DQX1: variants seen among roughly 807,000 people sequenced by gnomAD.
DQX1 encodes DEAQ-box RNA dependent ATPase 1, also known as ATP-dependent RNA helicase homolog DQX1.
In DQX1, 66 loss-of-function variants were observed where a neutral mutation model predicts 81.3. That is an observed-to-expected ratio of 0.81 (90% confidence interval 0.67 to 1.00). DQX1 has a LOEUF of 1.00. Among genes scored for constraint, DQX1 ranks in the 50% least tolerant of loss-of-function variants. The probability of loss-of-function intolerance (pLI) is 0.00; values close to 1 mark genes in which losing one functional copy is unlikely to be tolerated. For missense variants in DQX1, 798 were observed against 867.9 expected (o/e 0.92, Z 1.01); for synonymous variants, 290 against 350.0 (o/e 0.83, Z 1.91).
rs1459122122 is a variant in DQX1 at position 74,523,066 on chromosome 2, T to G, written c.1145-52A>C. On this transcript the variant is annotated intron_variant, in intron 6 of 11. Coordinates refer to ENST00000404568, the MANE Select transcript of DQX1 (RefSeq NM_133637.3). The stretch of plus-strand genomic sequence containing the variant: ...AGACCACTGTAGATTTCTCAGGGCT[T>G]GCATGTTGGTGACTCTTGGGTTTTT... The G allele has an allele frequency of 5.0e-6, 8 of 1,613,824 alleles. No homozygotes were observed. The East Asian group carries it at 1.8e-4, about 36-fold the overall frequency.
intron 8 of DQX1, among the ~76,000 whole-genome samples, chr2:74,520,835 G>A (rs1015778108): frequency 2.0e-5 from 3 of 151,922 alleles, no homozygotes; most frequent in Admixed American, 6.6e-5. Flanking sequence ...CACCACACCT[G>A]GCTAATTTTT....
rs1322250680 is a variant in DQX1 at position 74,518,598 on chromosome 2, C to A, written c.2002G>T (p.Val668Leu). ...AGGAAGTATGGAGGGGCCAATTCCACCAGCCTAATAGAGAGAGTCATAATT... is the reference window on the plus strand; with the variant it reads ...AGGAAGTATGGAGGGGCCAATTCCAACAGCCTAATAGAGAGAGTCATAATT... ...IVSEIQPQMLVELAPPYFLSN... is the reference protein window; with the variant it reads ...IVSEIQPQMLLELAPPYFLSN... Residue 668 changes from valine (V) to leucine (L), a missense_variant, in exon 12 of 12, where the codon GTG becomes TTG. Val to Leu is a conservative substitution (Grantham distance 32). Coordinates refer to ENST00000404568, the MANE Select transcript of DQX1 (RefSeq NM_133637.3). 1 of 1,614,046 alleles carries A rather than the reference C, an allele frequency of 6.2e-7. No individual in the cohort carries two copies.
rs1675116327 is a variant in DQX1 at position 74,524,282 on chromosome 2, G to T, written c.457C>A (p.Gln153Lys). The change falls in exon 4 of 12, where the codon CAG becomes AAG. Residue 153 changes from glutamine (Q) to lysine (K), a missense_variant. Coordinates refer to ENST00000404568, the MANE Select transcript of DQX1 (RefSeq NM_133637.3). ...GTGCCTCGGGTCGAGGCCACCTCCT[G>T]CAGAAGCAGCCTGTCCCAGCAGAAC... is the stretch of plus-strand genomic sequence containing the variant. ...LRFCWDRLLL[Q>K]EVASTRGTGA... The T allele has an allele frequency of 1.2e-6, 2 of 1,613,002 alleles. No individual in the cohort carries two copies. Among genetic ancestry groups the T allele is most frequent in the Non-Finnish European group, 1.7e-6 (2 of 1,179,738 alleles).
chr2:74,519,636 G>A lies in DQX1; in HGVS notation c.1726C>T (p.Pro576Ser), dbSNP rs774087472. Reference sequence around the variant, plus strand: ...GAGCCAAAGGCTGGTAGGGACAAGGGAAGTTCAATTCGTTGCATGAGTTCT... The same window carrying A: ...GAGCCAAAGGCTGGTAGGGACAAGGAAAGTTCAATTCGTTGCATGAGTTCT... Reference protein sequence around the residue: ...LLELMQRIELPLSLPAFGSEQ... With the variant: ...LLELMQRIELSLSLPAFGSEQ... Residue 576 changes from proline to serine, a missense_variant, in exon 10 of 12, where the codon CCC (proline) becomes TCC (serine). Pro to Ser is a moderately conservative substitution (Grantham distance 74, BLOSUM62 -1). Coordinates refer to ENST00000404568, the MANE Select transcript of DQX1 (RefSeq NM_133637.3). 6.2e-7 allele frequency: 1 copy of A among 1,614,226 alleles called. No individual in the cohort carries two copies. The highest frequency in any genetic ancestry group is 8.5e-7 in the Non-Finnish European group (1 of 1,180,040).
Position 74,523,218 on chromosome 2 carries a change from C to A in DQX1, c.1045G>T (p.Val349Phe). 6.2e-7 allele frequency: 1 copy of A among 1,614,174 alleles called. No homozygotes were observed. Among genetic ancestry groups the A allele is most frequent in the Non-Finnish European group, 8.5e-7 (1 of 1,180,036 alleles). The change falls in exon 6 of 12, where the codon GTT becomes TTT. Residue 349 changes from valine to phenylalanine, a missense_variant and splice_region_variant. Transcript: ENST00000404568. ...VIDSGLELRS[V>F]YNPRIRAEFQ... ...TCTGCTCGGATCCTAGGATTGTAAACCTGTTGCCCGTCCCCCAACCAAGGC... is the reference window on the plus strand; with the variant it reads ...TCTGCTCGGATCCTAGGATTGTAAAACTGTTGCCCGTCCCCCAACCAAGGC...
At position 74,520,680 on chromosome 2, in the gene DQX1, G is replaced by T. The variant is rs1246434417; in HGVS notation, c.1496-646C>A. Reference sequence around the variant, plus strand: ...TTGTGGGGTTTTTTTTGTTGTTGTTGTTTGTTTATTTGAGACAGGGTCTCA... The same window carrying T: ...TTGTGGGGTTTTTTTTGTTGTTGTTTTTTGTTTATTTGAGACAGGGTCTCA... On this transcript the variant is annotated intron_variant, in intron 8 of 11. Coordinates refer to ENST00000404568, the MANE Select transcript of DQX1 (RefSeq NM_133637.3). 1.2e-4 allele frequency among the ~76,000 whole-genome samples: 18 copies of T among 151,888 alleles called. 1 individual carries two copies. Among genetic ancestry groups the T allele is most frequent in the Middle Eastern group, 6.8e-3 (2 of 294 alleles).
chr2:74,520,140 A>G (rs1674989139), intron 8 of DQX1, 106 bp from the exon 9 acceptor site: 2 of 1,429,080 alleles, frequency 1.4e-6, no homozygotes, highest in Non-Finnish European at 1.9e-6. Flanking sequence ...TGGGAACTTT[A>G]TTCAAAAGAC....
At position 74,523,450 on chromosome 2, in the gene DQX1, G is replaced by T; in HGVS notation, c.904C>A (p.Pro302Thr). 6.2e-7 allele frequency: 1 copy of T among 1,614,130 alleles called. No homozygotes were observed. Among genetic ancestry groups the T allele is most frequent in the Non-Finnish European group, 8.5e-7 (1 of 1,180,032 alleles). Residue 302 changes from proline to threonine, a missense_variant, in exon 5 of 12, where the codon CCA becomes ACA. By Grantham distance (38) the Pro-to-Thr change is conservative. Transcript: ENST00000404568. The stretch of plus-strand genomic sequence containing the variant: ...GCCTGAACGGCTCGTCCACAGTCTG[G>T]GTGAAGGGGCAGTACTCGTGGTGGA... ...GLPPRVLPLH[P>T]DCGRAVQAVY...
Position 74,522,656 on chromosome 2 carries a change from C to T in DQX1, c.1419G>A (p.Glu473=). Residue 473 remains glutamate (E), a synonymous_variant, in exon 8 of 12, where the codon GAG becomes GAA. Coordinates refer to ENST00000404568, the MANE Select transcript of DQX1 (RefSeq NM_133637.3). The stretch of plus-strand genomic sequence containing the variant: ...ATGAGGCCAGCAGGGCTTTGGCCAG[C>T]TCAGGGGCCAGAGGGAATTCTGATA... ...VILSEFPLAP[E]LAKALLASCE... is the part of the protein sequence containing the mutation. 3 of 1,614,214 alleles carry T rather than the reference C, an allele frequency of 1.9e-6. No homozygotes were observed. In the African/African-American group the frequency reaches 4.0e-5, roughly 22 times the overall value.
rs1042558171 is a variant in DQX1 at position 74,525,430 on chromosome 2, CCT to C, written c.237+61_237+62del. 46 of 1,494,404 alleles carry C rather than the reference CCT, an allele frequency of 3.1e-5. No individual in the cohort carries two copies. Among genetic ancestry groups the C allele is most frequent in the Non-Finnish European group, 4.1e-5 (45 of 1,104,786 alleles). 92.6% of individuals were successfully genotyped at this position (1,494,404 alleles called of 1,614,324 possible). On this transcript the variant is annotated intron_variant, in intron 2 of 11. Transcript: ENST00000404568. The surrounding 1 kb of genome is among the most constrained non-coding windows in gnomAD (Gnocchi z 4.1). Reference sequence around the variant, plus strand: ...CAGGGAAAGGCCACTTTCCCTTTGTCCTCCCTTTGTCCTCCCTTTGTCCACTC... The same window carrying C: ...CAGGGAAAGGCCACTTTCCCTTTGTCCCCTTTGTCCTCCCTTTGTCCACTC...
Position 74,522,760 on chromosome 2 carries a change from G to A in DQX1, c.1315C>T (p.Leu439=), listed in dbSNP as rs1675062243. ...HFLDQPAPEA[L]MQALEDLDYL... Reference sequence around the variant, plus strand: ...TCTAAATCTTCCAGGGCTTGCATCAGTGCTTCTGGAGCTGGTGAGGAAACA... The same window carrying A: ...TCTAAATCTTCCAGGGCTTGCATCAATGCTTCTGGAGCTGGTGAGGAAACA... The change falls in exon 8 of 12, where the codon CTG becomes TTG. Residue 439 remains leucine (L), a synonymous_variant. Coordinates refer to ENST00000404568, the MANE Select transcript of DQX1 (RefSeq NM_133637.3). 1 of 1,614,140 alleles carries A rather than the reference G, an allele frequency of 6.2e-7. No homozygotes were observed.
rs767873000 is a variant in DQX1, at chr2:74,519,661, TAGG to T, written c.1698_1700del (p.Leu567del). ...GAAGTTCAATTCGTTGCATGAGTTC[TAGG>T]AGTTCTCCCCGAAGTTTATGGGCTT... is the stretch of plus-strand genomic sequence containing the variant. On this transcript the variant is annotated inframe_deletion, in exon 10 of 12. Transcript: ENST00000404568. 6.2e-7 allele frequency: 1 copy of T among 1,614,244 alleles called. No homozygotes were observed. Among genetic ancestry groups the T allele is most frequent in the East Asian group, 2.2e-5 (1 of 44,894 alleles).
chr2:74,518,566 G>A lies in DQX1; in HGVS notation c.2034C>T (p.Asn678=). The part of the protein sequence containing the change: ...VELAPPYFLS[N]LPPSESRDLL... ...GGTCTCTGCTCTCACTGGGAGGCAA[G>A]TTACTCAGGAAGTATGGAGGGGCCA... The change falls in exon 12 of 12, where the codon AAC becomes AAT. Residue 678 remains asparagine (N), a synonymous_variant. Coordinates refer to ENST00000404568, the MANE Select transcript of DQX1 (RefSeq NM_133637.3). The A allele has an allele frequency of 6.2e-7, 1 of 1,614,184 alleles. No individual in the cohort carries two copies. Among genetic ancestry groups the A allele is most frequent in the Non-Finnish European group, 8.5e-7 (1 of 1,180,022 alleles).
chr2:74,520,131 G>A, intron 8 of DQX1, 97 bp from the exon 9 acceptor site: 2 of 1,484,760 alleles, frequency 1.3e-6, no homozygotes, highest in Non-Finnish European at 1.8e-6. Context: ...GTGTCCCTTT[G>A]GGAACTTTAT....
intron 11 of DQX1, 89 bp from the exon 12 acceptor site, chr2:74,518,691 G>T: frequency 7.5e-7 from 1 of 1,328,214 alleles, no homozygotes; most frequent in Non-Finnish European, 1.0e-6. Flanking sequence ...CTGTTACCTG[G>T]GCTGGAGTTC....
At chr2:74,523,834 C>T in intron 4 of DQX1, 89 bp downstream of exon 4, 1 of 1,441,686 alleles carries the variant, frequency 6.9e-7, no homozygotes, top group Non-Finnish European at 9.1e-7. Flanking sequence ...CTCCCATTCC[C>T]ATTCCTCAGG....
rs1572983211 is a variant in DQX1 at position 74,519,219 on chromosome 2, G to A, written c.1818C>T (p.Asp606=). Residue 606 remains aspartate (D), a synonymous_variant, in exon 11 of 12, where the codon GAC becomes GAT. Coordinates refer to ENST00000404568, the MANE Select transcript of DQX1 (RefSeq NM_133637.3). ...VSGYFLKVAR[D]TDGTGNYLLL... ...GAAGGTAATTTCCAGTCCCGTCTGT[G>A]TCTCTGGCCACCTTATTGAAAGGCA... 1 of 1,561,454 alleles carries A rather than the reference G, an allele frequency of 6.4e-7. No individual in the cohort carries two copies. Among genetic ancestry groups the A allele is most frequent in the Admixed American group, 2.0e-5 (1 of 49,730 alleles).
rs1347780980 is a variant in DQX1 at position 74,525,978 on chromosome 2, T to C, written c.-20+158A>G. On this transcript the variant is annotated intron_variant, in intron 1 of 11. Coordinates refer to ENST00000404568, the MANE Select transcript of DQX1 (RefSeq NM_133637.3). The surrounding 1 kb of genome is among the most constrained non-coding windows in gnomAD (Gnocchi z 4.1). ...AATCTACCTGAGACTATTACCCCGTTGGCAGGTAGTAGAAATCTTACTTAG... is the reference window on the plus strand; with the variant it reads ...AATCTACCTGAGACTATTACCCCGTCGGCAGGTAGTAGAAATCTTACTTAG... Among the ~76,000 whole-genome samples, 1 of 152,210 alleles carries C rather than the reference T, an allele frequency of 6.6e-6. No homozygotes were observed. The highest frequency in any genetic ancestry group is 1.5e-5 in the Non-Finnish European group (1 of 68,040).
chr2:74,518,650 GTC>G (rs766900789), intron 11 of DQX1, 48 bp from the exon 12 acceptor site: 4 of 1,579,430 alleles, frequency 2.5e-6, no homozygotes, highest in African/African-American at 1.3e-5. Flanking sequence ...CTCTCTCTCT[GTC>G]TCTCTCTTTT....
Sources: gnomAD v4.1 joint callset for allele counts (sites outside exome capture counted in the v4.1 genomes callset) on GRCh38, gnomAD v4.1.1 for gene constraint, Gnocchi (gnomAD v3.1) non-coding constraint, MANE v1.5 for transcripts, NCBI Gene and HGNC (gene_info 2026-07-23, HGNC 2026-07-21) for gene names.